The following ATP11B variants were observed in gnomAD, a reference collection of about 807,000 sequenced individuals.
ATP11B encodes the protein ATPase phospholipid transporting 11B (putative).
ATP11B carries 81 observed loss-of-function variants against 157.8 expected under a neutral mutation model. That is an observed-to-expected ratio of 0.51 (90% CI 0.43 to 0.62). The LOEUF is 0.62. ATP11B is among the 20% of genes least tolerant of loss of function. ATP11B has a pLI of 0.00. For missense variants in ATP11B, 1,165 were observed against 1,402.2 expected, an observed-to-expected ratio of 0.83 and a Z score of 2.70; for synonymous variants, 451 against 469.4, an observed-to-expected ratio of 0.96 and a Z score of 0.51.
intron 25 of ATP11B, among the ~76,000 whole-genome samples, chr3:182,893,116 A>G (rs1467145570): frequency 6.6e-6 from 1 of 152,238 alleles, no homozygotes; most frequent in African/African-American, 2.4e-5. Flanking sequence ...TACCATGGAC[A>G]TTTGTCAAGA....
chr3:182,865,045 T>C (rs1721125067), intron 12 of ATP11B, among the ~76,000 whole-genome samples: 2 of 152,192 alleles, frequency 1.3e-5, no homozygotes, highest in African/African-American at 4.8e-5. Flanking sequence ...TTCCTAGCTC[T>C]GCACTATTTC....
intron 15 of ATP11B, among the ~76,000 whole-genome samples, chr3:182,867,800 G>A (rs1188087311): frequency 1.3e-5 from 2 of 151,968 alleles, no homozygotes; most frequent in Non-Finnish European, 2.9e-5. Flanking sequence ...GAAACTCCTA[G>A]CCTCAAGAGA....
intron 18 of ATP11B, among the ~76,000 whole-genome samples, chr3:182,872,912 A>G (rs1325553675): frequency 2.0e-5 from 3 of 152,140 alleles, no homozygotes; most frequent in Admixed American, 6.5e-5. Flanking sequence ...TGTAGCTAAA[A>G]CTATTCTGTT....
chr3:182,802,137 A>G (rs181870336), intron 1 of ATP11B, among the ~76,000 whole-genome samples: 1 of 152,280 alleles, frequency 6.6e-6, no homozygotes, highest in East Asian at 1.9e-4. Flanking sequence ...AGCAAATCGT[A>G]TCTCCCTTTT....
intron 28 of ATP11B, among the ~76,000 whole-genome samples, chr3:182,912,109 T>C (rs56009032): frequency 0.055 from 8,389 of 151,962 alleles, 785 homozygotes; most frequent in African/African-American, 0.19. Context: ...AGCCCTGGAG[T>C]CTGGGTTGCT....
At position 182,896,170 on chromosome 3, in the gene ATP11B, C is replaced by G. The variant is rs866596550; in HGVS notation, c.2983-530C>G. Among the ~76,000 whole-genome samples, 90 of 152,296 alleles carry G rather than the reference C, an allele frequency of 5.9e-4. 1 individual carries two copies. The highest frequency in any genetic ancestry group is 6.8e-3 in the Middle Eastern group (2 of 292). Reference sequence around the variant, plus strand: ...AGCCCAGGGGAAACTTTCTGACTGGCAATAACTGCATTTTTACATGGAATC... The same window carrying G: ...AGCCCAGGGGAAACTTTCTGACTGGGAATAACTGCATTTTTACATGGAATC... On this transcript the variant is annotated intron_variant, in intron 25 of 29. Coordinates refer to ENST00000323116, the MANE Select transcript of ATP11B (RefSeq NM_014616.3).
intron 1 of ATP11B, among the ~76,000 whole-genome samples, chr3:182,813,569 CAT>C (rs1194927652): frequency 1.3e-5 from 2 of 152,068 alleles, no homozygotes; most frequent in Non-Finnish European, 2.9e-5. Context: ...AAAAATAAGA[CAT>C]ATCTAGGAAC....
At chr3:182,865,422 A>G (rs1721156457) in intron 12 of ATP11B, 34 bp from the exon 13 acceptor site, 2 of 1,599,446 alleles carry the variant, frequency 1.3e-6, no homozygotes, top group African/African-American at 1.3e-5. Context: ...CATGAACACA[A>G]AGGTTTATTT....
At chr3:182,898,563 C>T in intron 27 of ATP11B, 44 bp from the exon 28 acceptor site, 1 of 1,528,216 alleles carries the variant, frequency 6.5e-7, no homozygotes, top group Admixed American at 2.0e-5. Context: ...TGATTTAAGT[C>T]TTTCAGTTTC....
rs567198779 is a variant in ATP11B at position 182,881,209 on chromosome 3, G to A, written c.2509+228G>A. Among the ~76,000 whole-genome samples, 7 of 152,326 alleles carry A rather than the reference G, an allele frequency of 4.6e-5. No homozygotes were observed. In the South Asian group the frequency reaches 1.0e-3, roughly 23 times the overall value. On this transcript the variant is annotated intron_variant, in intron 21 of 29. Coordinates refer to ENST00000323116, the MANE Select transcript of ATP11B (RefSeq NM_014616.3). ...CCAGCACTTTGGGGGGTTGAGGCAG[G>A]CAGATCACGAGGTCAGAAGTTCGAG...
chr3:182,831,979 A>G (rs1007556364), intron 4 of ATP11B, among the ~76,000 whole-genome samples: 5 of 152,170 alleles, frequency 3.3e-5, no homozygotes, highest in African/African-American at 1.2e-4. Flanking sequence ...AAATGAATGA[A>G]TGAACTTATT....
chr3:182,872,126 A>G (rs1382873005), intron 17 of ATP11B, among the ~76,000 whole-genome samples: 1 of 152,176 alleles, frequency 6.6e-6, no homozygotes, highest in Non-Finnish European at 1.5e-5. Flanking sequence ...ATTTTGAGCA[A>G]CTTCTTAAGA....
intron 1 of ATP11B, among the ~76,000 whole-genome samples, chr3:182,814,718 G>A (rs1716870454): frequency 6.6e-6 from 1 of 152,016 alleles, no homozygotes; most frequent in Non-Finnish European, 1.5e-5. Flanking sequence ...TGAAATGAGA[G>A]GATCGCTTGA....
intron 2 of ATP11B, among the ~76,000 whole-genome samples, chr3:182,825,742 A>G (rs1717675248): frequency 6.7e-6 from 1 of 148,344 alleles, no homozygotes; most frequent in African/African-American, 2.5e-5. Flanking sequence ...AAAAAAAAAT[A>G]CAGAAAAATT....
At position 182,866,361 on chromosome 3, in the gene ATP11B, T is replaced by C. The variant is rs143505757; in HGVS notation, c.1537T>C (p.Trp513Arg). 7.4e-6 allele frequency: 12 copies of C among 1,613,900 alleles called. No homozygotes were observed. The highest frequency in any genetic ancestry group is 1.0e-5 in the Non-Finnish European group (12 of 1,179,932). The change falls in exon 14 of 30, where the codon TGG (tryptophan) becomes CGG (arginine). Residue 513 changes from tryptophan to arginine, a missense_variant. By Grantham distance (101) the Trp-to-Arg change is moderately radical. Around this residue, in one of 4 missense-constraint regions of ATP11B, gnomAD observed 737 missense variants for 930.5 expected, o/e 0.79. Coordinates refer to ENST00000323116, the MANE Select transcript of ATP11B (RefSeq NM_014616.3). ...AACTGACTGCACTGGTGATGGTCCCTGGCAATCCAACCTGGCACCATCGCA... is the reference window on the plus strand; with the variant it reads ...AACTGACTGCACTGGTGATGGTCCCCGGCAATCCAACCTGGCACCATCGCA... ...VQTDCTGDGP[W>R]QSNLAPSQLE...
chr3:182,809,751 T>A (rs1716539054), intron 1 of ATP11B, among the ~76,000 whole-genome samples: 1 of 152,230 alleles, frequency 6.6e-6, no homozygotes, highest in Non-Finnish European at 1.5e-5. Context: ...CTTAAGTATG[T>A]GAGATGAAAT....
chr3:182,879,720 CT>C, intron 20 of ATP11B, 71 bp downstream of exon 20: 1 of 1,368,898 alleles, frequency 7.3e-7, no homozygotes, highest in Non-Finnish European at 9.8e-7. Context: ...AAGTTAATGC[CT>C]TACATAGTTC....
At chr3:182,900,999 G>A (rs1723919295) in intron 28 of ATP11B, among the ~76,000 whole-genome samples, 1 of 152,018 alleles carries the variant, frequency 6.6e-6, no homozygotes, top group Non-Finnish European at 1.5e-5. Flanking sequence ...GGCCAACATG[G>A]TGAAACACCG....
intron 1 of ATP11B, among the ~76,000 whole-genome samples, chr3:182,798,657 T>C (rs986126992): frequency 2.0e-5 from 3 of 152,248 alleles, no homozygotes; most frequent in Non-Finnish European, 4.4e-5. Context: ...ACCATTATTG[T>C]CATTAAATGT....
Sources: allele counts gnomAD v4.1 joint callset (sites outside exome capture counted in the v4.1 genomes callset), GRCh38; gene constraint gnomAD v4.1.1; regional missense constraint gnomAD v4.1.1; transcripts MANE v1.5; gene names NCBI Gene and HGNC (gene_info 2026-07-23, HGNC 2026-07-21).